Variants in SYNE1 observed in about 807,000 individuals in gnomAD.
The protein encoded by SYNE1 is spectrin repeat containing nuclear envelope protein 1, also known as nesprin-1.
A neutral mutation model predicts 1,111.0 loss-of-function variants in SYNE1; 616 were observed. The observed-to-expected ratio is 0.55, with a 90% CI of 0.52 to 0.59. The LOEUF (loss-of-function observed/expected upper bound fraction) is 0.59, where lower values mean the gene tolerates loss of function less well. Among genes scored for constraint, SYNE1 ranks in the 20% least tolerant of loss-of-function variants. SYNE1 has a pLI of 0.00. For missense variants in SYNE1, 10,006 were observed against 10,417.0 expected, an observed-to-expected ratio of 0.96 and a Z score of 1.72; for synonymous variants, 3,855 against 3,825.8, an observed-to-expected ratio of 1.01 and a Z score of -0.28.
intron 2 of SYNE1, among the ~76,000 whole-genome samples, chr6:152,633,090 G>A (rs1271938248): frequency 1.3e-5 from 2 of 152,174 alleles, no homozygotes; most frequent in Admixed American, 6.5e-5. Flanking sequence ...GGCAGATCCA[G>A]AACATCAATA....
chr6:152,248,908 G>A (rs887050701), intron 105 of SYNE1, among the ~76,000 whole-genome samples: 9 of 152,100 alleles, frequency 5.9e-5, no homozygotes, highest in Non-Finnish European at 1.2e-4. Context: ...TCATCATTGG[G>A]CAGAAAACTC....
Position 152,409,182 on chromosome 6 carries a change from C to A in SYNE1, c.6426G>T (p.Leu2142Phe). Residue 2142 changes from leucine (L) to phenylalanine (F), a missense_variant, in exon 44 of 146, where the codon TTG (leucine) becomes TTT (phenylalanine). By Grantham distance (22) the Leu-to-Phe change is conservative. This residue lies in a region of SYNE1 where 4,955 missense variants were observed against 5,017.2 expected (regional missense o/e 0.99). Transcript: ENST00000367255. ...GTTTTCCTTTGCTGGTAAAGTTATC[C>A]AAGTCTTTCTGTTTGTAATTCATTT... ...KNKMNYKQKD[L>F]DNFTSKGKHL... is the part of the protein sequence containing the mutation. 2 of 1,614,034 alleles carry A rather than the reference C, an allele frequency of 1.2e-6. No homozygotes were observed. The highest frequency in any genetic ancestry group is 1.7e-6 in the Non-Finnish European group (2 of 1,179,988).
intron 77 of SYNE1, 37 bp downstream of exon 77, chr6:152,333,971 T>A (rs1355521793): frequency 6.2e-7 from 1 of 1,613,862 alleles, no homozygotes; most frequent in Non-Finnish European, 8.5e-7. Context: ...AATGTCTGGC[T>A]TAGCATTTTG....
At chr6:152,232,878 T>A (rs1168546569) in intron 112 of SYNE1, among the ~76,000 whole-genome samples, 3 of 152,238 alleles carry the variant, frequency 2.0e-5, no homozygotes. Flanking sequence ...TATATCAACT[T>A]CTGTGTGGTG....
intron 11 of SYNE1, among the ~76,000 whole-genome samples, chr6:152,494,274 C>T (rs1020785166): frequency 1.3e-5 from 2 of 152,206 alleles, no homozygotes; most frequent in African/African-American, 4.8e-5. Flanking sequence ...CAACTGTACT[C>T]ACTATTTGTT....
chr6:152,347,717 G>T (rs2096662988), intron 72 of SYNE1, among the ~76,000 whole-genome samples: 1 of 143,012 alleles, frequency 7.0e-6, no homozygotes, highest in African/African-American at 2.6e-5. Context: ...GTGTCACTCT[G>T]CTGCCCAGGC....
chr6:152,188,984 A>AATATATATATATATATATATAT (rs1190850842), intron 128 of SYNE1, among the ~76,000 whole-genome samples: 1 of 23,002 alleles, frequency 4.3e-5, no homozygotes, highest in African/African-American at 1.4e-4. Context: ...AAAAAAAAAA[A>AATATATATATATATATATATAT]ATATATATAT....
intron 13 of SYNE1, among the ~76,000 whole-genome samples, chr6:152,483,628 A>G (rs937734901): frequency 6.6e-6 from 1 of 152,162 alleles, no homozygotes; most frequent in African/African-American, 2.4e-5. Context: ...CACCTGGCAC[A>G]TGTGTATCTT....
At chr6:152,526,212 T>C (rs377063085) in intron 4 of SYNE1, 37 bp from the exon 5 acceptor site, 2 of 1,582,488 alleles carry the variant, frequency 1.3e-6, no homozygotes, top group African/African-American at 2.7e-5. Context: ...AGAAAATATC[T>C]CTTCCCTCTC....
Position 152,325,241 on chromosome 6 carries a change from G to A in SYNE1, c.15500C>T (p.Ser5167Leu), listed in dbSNP as rs1275423968. 6 of 1,614,038 alleles carry A rather than the reference G, an allele frequency of 3.7e-6. No individual in the cohort carries two copies. Among genetic ancestry groups the A allele is most frequent in the East Asian group, 2.2e-5 (1 of 44,880 alleles). The change falls in exon 81 of 146, where the codon TCA (serine) becomes TTA (leucine). Residue 5167 changes from serine to leucine, a missense_variant. Ser to Leu is a moderately radical substitution (Grantham distance 145). This residue lies in a region of SYNE1 where 4,955 missense variants were observed against 5,017.2 expected (regional missense o/e 0.99). Coordinates refer to ENST00000367255, the MANE Select transcript of SYNE1 (RefSeq NM_182961.4). ...ATCATTTCCGGTTTTCTCCAGTTGT[G>A]AAGCTTTTTCCTCAAGGGCCACAAT... The part of the protein sequence containing the change: ...EKIVALEEKA[S>L]QLEKTGNDAS...
intron 126 of SYNE1, 114 bp from the exon 127 acceptor site, chr6:152,202,063 A>AGCCATCAGTGTAAC: frequency 1.5e-6 from 2 of 1,379,068 alleles, no homozygotes; most frequent in Non-Finnish European, 1.0e-6. Context: ...AGTTACACTG[A>AGCCATCAGTGTAAC]TGGCTGAGTG....
intron 40 of SYNE1, among the ~76,000 whole-genome samples, chr6:152,418,751 T>A (rs1003135862): frequency 2.6e-5 from 4 of 152,136 alleles, no homozygotes; most frequent in Non-Finnish European, 5.9e-5. Context: ...CAGGGAGGAA[T>A]AACTCACAGG....
intron 37 of SYNE1, 87 bp from the exon 38 acceptor site, chr6:152,427,903 A>C: frequency 5.7e-6 from 9 of 1,567,756 alleles, no homozygotes; most frequent in Non-Finnish European, 7.9e-6. Context: ...GGTCCAACAC[A>C]AACCATAGTA....
chr6:152,607,436 T>A (rs2099619037), intron 3 of SYNE1, among the ~76,000 whole-genome samples: 2 of 149,000 alleles, frequency 1.3e-5, no homozygotes, highest in Non-Finnish European at 3.0e-5. Flanking sequence ...TTTTTTCATG[T>A]TTGTTGGCCA....
At chr6:152,318,591 A>C (rs1187389743) in intron 85 of SYNE1, among the ~76,000 whole-genome samples, 1 of 152,174 alleles carries the variant, frequency 6.6e-6, no homozygotes, top group African/African-American at 2.4e-5. Flanking sequence ...TGGAATTTAT[A>C]TACTTGTATT....
At chr6:152,389,216 T>G (rs2097569217) in intron 53 of SYNE1, among the ~76,000 whole-genome samples, 1 of 152,220 alleles carries the variant, frequency 6.6e-6, no homozygotes, top group Non-Finnish European at 1.5e-5. Flanking sequence ...AAAATTTTAT[T>G]GTAGGTTCAA....
At chr6:152,589,660 A>C (rs113157218) in intron 3 of SYNE1, among the ~76,000 whole-genome samples, 1,936 of 152,220 alleles carry the variant, frequency 0.013, 24 homozygotes, top group Non-Finnish European at 0.016. Context: ...TGTGCATGTG[A>C]CCAGCCCTAA....
At chr6:152,459,131 C>T (rs372797343) in intron 21 of SYNE1, among the ~76,000 whole-genome samples, 2 of 152,022 alleles carry the variant, frequency 1.3e-5, no homozygotes, top group Admixed American at 1.3e-4. Flanking sequence ...ACCACTGAGA[C>T]AAATAAATGG....
chr6:152,617,495 A>G (rs2099660220), intron 3 of SYNE1, among the ~76,000 whole-genome samples: 1 of 152,234 alleles, frequency 6.6e-6, no homozygotes, highest in Non-Finnish European at 1.5e-5. Flanking sequence ...CTTTCAGAAG[A>G]CTTGAGCACA....
Sources: gnomAD v4.1 joint callset for allele counts (sites outside exome capture counted in the v4.1 genomes callset) on GRCh38, gnomAD v4.1.1 for gene constraint, gnomAD v4.1.1 regional missense constraint, MANE v1.5 for transcripts, NCBI Gene and HGNC (gene_info 2026-07-23, HGNC 2026-07-21) for gene names.